The following SAFB2 variants were observed in gnomAD, a reference collection of about 807,000 sequenced individuals.
SAFB2 encodes scaffold attachment factor B2.
Under a neutral mutation model 100.6 loss-of-function variants are expected in SAFB2, and 32 were observed. The observed-to-expected ratio is 0.32, with a 90% CI of 0.24 to 0.43. SAFB2 has a LOEUF of 0.43. SAFB2 is among the 20% of genes least tolerant of loss of function. The pLI is 1.00. For missense variants in SAFB2, 1,185 were observed against 1,163.4 expected, an observed-to-expected ratio of 1.02 and a Z score of -0.27; for synonymous variants, 500 against 439.4, an observed-to-expected ratio of 1.14 and a Z score of -1.72.
rs2052589459 is a variant in SAFB2 at position 5,598,814 on chromosome 19, G to A, written c.1761C>T (p.Thr587=). ...SKGEPVISVK[T]TSRSKERSSK... is the part of the protein sequence containing the mutation. The stretch of plus-strand genomic sequence containing the variant: ...TCACTCTCTCTTTGGACCTGCTTGT[G>A]GTTTTCACGCTAATGACGGGCTCTC... The change falls in exon 13 of 21, where the codon ACC becomes ACT. Residue 587 remains threonine (T), a synonymous_variant. Transcript: ENST00000252542. The A allele has an allele frequency of 6.2e-7, 1 of 1,614,114 alleles. No homozygotes were observed. The highest frequency in any genetic ancestry group is 1.3e-5 in the African/African-American group (1 of 75,024).
chr19:5,592,671 G>GA, intron 16 of SAFB2, 76 bp downstream of exon 16: 1 of 1,553,538 alleles, frequency 6.4e-7, no homozygotes, highest in Non-Finnish European at 8.8e-7. Flanking sequence ...CCCCTGCACT[G>GA]GGCTGAGAAC....
intron 9 of SAFB2, among the ~76,000 whole-genome samples, chr19:5,609,786 G>A (rs535934596): frequency 6.6e-6 from 1 of 152,326 alleles, no homozygotes; most frequent in African/African-American, 2.4e-5. Flanking sequence ...GCACAAGACT[G>A]GGCGAGCTTC....
At chr19:5,603,794 C>T (rs569261392) in intron 11 of SAFB2, among the ~76,000 whole-genome samples, 16 of 152,362 alleles carry the variant, frequency 1.1e-4, no homozygotes, top group African/African-American at 3.6e-4. Context: ...CTGTCAGACA[C>T]AGCACCAACT....
chr19:5,608,545 G>A (rs1321007217), intron 9 of SAFB2, among the ~76,000 whole-genome samples: 3 of 152,170 alleles, frequency 2.0e-5, no homozygotes, highest in Non-Finnish European at 4.4e-5. Context: ...GGTCCTGTCC[G>A]CTTCTTAAGC....
At chr19:5,605,552 C>A (rs1447379646) in intron 9 of SAFB2, among the ~76,000 whole-genome samples, 2 of 152,186 alleles carry the variant, frequency 1.3e-5, no homozygotes, top group African/African-American at 4.8e-5. Context: ...TTCCACTGTG[C>A]CCACAAACAG....
At chr19:5,617,644 C>T (rs1005869224) in intron 2 of SAFB2, among the ~76,000 whole-genome samples, 2 of 152,136 alleles carry the variant, frequency 1.3e-5, no homozygotes, top group Admixed American at 6.5e-5. Context: ...TGTTAGTGGT[C>T]ATGACCTGGG....
chr19:5,612,145 A>C (rs1364314474), intron 6 of SAFB2: 1 of 329,146 alleles, frequency 3.0e-6, no homozygotes, highest in African/African-American at 2.2e-5. Flanking sequence ...GAATCCAGTC[A>C]CTTCTCAGGT....
intron 2 of SAFB2, among the ~76,000 whole-genome samples, chr19:5,620,186 T>G (rs951551795): frequency 3.3e-5 from 5 of 152,222 alleles, no homozygotes; most frequent in African/African-American, 4.8e-5. Flanking sequence ...TTATGCAACC[T>G]AACTAAAAGA....
At chr19:5,607,921 C>A (rs1024407642) in intron 9 of SAFB2, among the ~76,000 whole-genome samples, 2 of 152,252 alleles carry the variant, frequency 1.3e-5, no homozygotes, top group Non-Finnish European at 2.9e-5. Flanking sequence ...AGAAGACTCT[C>A]CTGAGAGAAA....
chr19:5,591,797 C>A lies in SAFB2; in HGVS notation c.2349-4G>T. 6.2e-7 allele frequency: 1 copy of A among 1,614,030 alleles called. No homozygotes were observed. The highest frequency in any genetic ancestry group is 1.1e-5 in the South Asian group (1 of 91,072). ...CATTGGCCTCGAACCCTCCCGCCTGCAAAAGGAAAAGATCCCGTTCAAACA... is the reference window on the plus strand; with the variant it reads ...CATTGGCCTCGAACCCTCCCGCCTGAAAAAGGAAAAGATCCCGTTCAAACA... On this transcript the variant is annotated splice_region_variant and splice_polypyrimidine_tract_variant and intron_variant, in intron 16 of 20. Coordinates refer to ENST00000252542, the MANE Select transcript of SAFB2 (RefSeq NM_014649.3).
At chr19:5,591,647 G>A (rs2052407575) in intron 17 of SAFB2, 101 bp downstream of exon 17, 1 of 1,144,548 alleles carries the variant, frequency 8.7e-7, no homozygotes, top group Non-Finnish European at 1.3e-6. Context: ...TGACTTGGTT[G>A]CCACCTCTCT....
intron 9 of SAFB2, among the ~76,000 whole-genome samples, chr19:5,608,849 A>G (rs892950697): frequency 3.3e-5 from 5 of 152,102 alleles, no homozygotes; most frequent in Non-Finnish European, 5.9e-5. Context: ...GGAGTTGGAG[A>G]CCAGTCTGGC....
chr19:5,615,388 G>A (rs949313787), intron 4 of SAFB2, among the ~76,000 whole-genome samples: 4 of 151,220 alleles, frequency 2.6e-5, no homozygotes, highest in East Asian at 2.0e-4. Flanking sequence ...ACAACATTAG[G>A]AGGAATATCT....
chr19:5,587,466 CA>C lies in SAFB2; in HGVS notation c.2706-68del. On this transcript the variant is annotated intron_variant, in intron 20 of 20. Transcript: ENST00000252542. This position sits in a 1 kb window ranked among gnomAD's most constrained non-coding sequence, Gnocchi z 4.9. ...CAGCGTTTTCATCGTAACATGGGTT[CA>C]GTAACGGTCCCGCAGCCTTTAGAGC... is the stretch of plus-strand genomic sequence containing the variant. 4 of 1,538,250 alleles carry C rather than the reference CA, an allele frequency of 2.6e-6. No individual in the cohort carries two copies. The highest frequency in any genetic ancestry group is 3.5e-6 in the Non-Finnish European group (4 of 1,136,658).
chr19:5,616,638 GTTTTC>G, intron 2 of SAFB2, 152 bp from the exon 3 acceptor site: 4 of 144,348 alleles, frequency 2.8e-5, no homozygotes, highest in East Asian at 1.6e-4. Context: ...GTCTCAATTT[GTTTTC>G]TTTTTTTTTT....
chr19:5,613,963 ATTCAT>A (rs2052967762), intron 4 of SAFB2, among the ~76,000 whole-genome samples: 1 of 152,192 alleles, frequency 6.6e-6, no homozygotes, highest in Admixed American at 6.5e-5. Context: ...TCATTCACTC[ATTCAT>A]TTGAGACGGA....
chr19:5,589,523 C>G (rs1327503743), intron 18 of SAFB2, among the ~76,000 whole-genome samples: 2 of 152,024 alleles, frequency 1.3e-5, no homozygotes, highest in African/African-American at 4.8e-5. Flanking sequence ...GGAGACAAGA[C>G]AGGACACTCG....
chr19:5,605,072 A>C, intron 9 of SAFB2, 136 bp from the exon 10 acceptor site: 1 of 974,954 alleles, frequency 1.0e-6, no homozygotes, highest in South Asian at 1.6e-5. Flanking sequence ...TAGTTACTGA[A>C]TTGGTTCTAA....
At chr19:5,607,337 C>T (rs2052798314) in intron 9 of SAFB2, among the ~76,000 whole-genome samples, 1 of 151,770 alleles carries the variant, frequency 6.6e-6, no homozygotes, top group Non-Finnish European at 1.5e-5. Flanking sequence ...CACAACAAGT[C>T]AAAGCCAATA....
Sources: gnomAD v4.1 joint callset for allele counts (sites outside exome capture counted in the v4.1 genomes callset) on GRCh38, gnomAD v4.1.1 for gene constraint, Gnocchi (gnomAD v3.1) non-coding constraint, MANE v1.5 for transcripts, NCBI Gene and HGNC (gene_info 2026-07-23, HGNC 2026-07-21) for gene names.